RAB3IP: variants seen among roughly 807,000 people sequenced by gnomAD.
RAB3IP encodes rab-3A-interacting protein.
RAB3IP carries 36 observed loss-of-function variants against 59.1 expected under a neutral mutation model. The observed-to-expected ratio is 0.61, with a 90% CI of 0.47 to 0.80. The LOEUF is 0.80. Among genes scored for constraint, RAB3IP ranks in the 30% least tolerant of loss-of-function variants. The probability of loss-of-function intolerance (pLI) is 0.00; values close to 1 mark genes in which losing one functional copy is unlikely to be tolerated. For synonymous variants in RAB3IP, 207 were observed against 191.2 expected (o/e 1.08, Z -0.68); for missense variants, 511 against 536.0 (o/e 0.95, Z 0.46).
rs750792944 is a variant in RAB3IP at position 69,743,529 on chromosome 12, T to A, written c.-26+4498T>A. Among the ~76,000 whole-genome samples, 108 of 152,364 alleles carry A rather than the reference T, an allele frequency of 7.1e-4. No individual in the cohort carries two copies. The Middle Eastern group carries it at 0.014, about 19-fold the overall frequency. On this transcript the variant is annotated intron_variant, in intron 1 of 10. Coordinates refer to ENST00000247833, the MANE Select transcript of RAB3IP (RefSeq NM_022456.5). ...TACATTTATGTTGTGCTTTACAATG[T>A]ATACATTTTTACATTGATATGCCAT... is the stretch of plus-strand genomic sequence containing the variant.
intron 1 of RAB3IP, among the ~76,000 whole-genome samples, chr12:69,750,494 C>G (rs942438100): frequency 1.3e-5 from 2 of 150,192 alleles, no homozygotes; most frequent in Non-Finnish European, 3.0e-5. Flanking sequence ...ACAAGGCCCA[C>G]AGATTGTGTT....
chr12:69,783,190 C>G (rs955258286), intron 3 of RAB3IP, among the ~76,000 whole-genome samples: 1 of 152,160 alleles, frequency 6.6e-6, no homozygotes, highest in Admixed American at 6.5e-5. Flanking sequence ...ATCAGGATAG[C>G]TTTATCAGTT....
Position 69,756,475 on chromosome 12 carries a change from A to G in RAB3IP, c.322A>G (p.Arg108Gly). 2 of 1,614,130 alleles carry G rather than the reference A, an allele frequency of 1.2e-6. No individual in the cohort carries two copies. Among genetic ancestry groups the G allele is most frequent in the Non-Finnish European group, 1.7e-6 (2 of 1,179,994 alleles). Residue 108 changes from arginine (R) to glycine (G), a missense_variant, in exon 3 of 11, where the codon AGA becomes GGA. Transcript: ENST00000247833. ...AGCTGGATTAACTAAATTAACTACA[A>G]GAAAGGACAACTATAATGCAGAGAG... ...VTAGLTKLTTRKDNYNAEREF... is the reference protein window; with the variant it reads ...VTAGLTKLTTGKDNYNAEREF...
chr12:69,794,645 T>A, intron 5 of RAB3IP, 131 bp downstream of exon 5: 1 of 631,038 alleles, frequency 1.6e-6, no homozygotes, highest in Non-Finnish European at 2.7e-6. Flanking sequence ...TACAGAAAAA[T>A]AGAAGAAAAT....
chr12:69,802,216 TGACC>T (rs1878501199), intron 8 of RAB3IP, among the ~76,000 whole-genome samples: 1 of 151,960 alleles, frequency 6.6e-6, no homozygotes, highest in Admixed American at 6.6e-5. Context: ...TCTCTGAGGG[TGACC>T]ATCAAAAATA....
intron 8 of RAB3IP, among the ~76,000 whole-genome samples, chr12:69,802,506 G>A (rs960927983): frequency 2.0e-5 from 3 of 152,150 alleles, no homozygotes; most frequent in African/African-American, 7.2e-5. Context: ...TAGCAAAGAC[G>A]AAAGGTTTTG....
intron 3 of RAB3IP, among the ~76,000 whole-genome samples, chr12:69,770,773 A>G (rs1872976946): frequency 6.6e-6 from 1 of 152,156 alleles, no homozygotes; most frequent in Admixed American, 6.5e-5. Context: ...ATTTACACAT[A>G]CACATATACA....
Position 69,739,026 on chromosome 12 carries a change from CT to C in RAB3IP, c.-29del, listed in dbSNP as rs1173002062. ...GCGCCGGCAGCGGCCGCGGTGGGTT[CT>C]TCAGGTGAGTGCGGCCGCGGGAGGG... On this transcript the variant is annotated 5_prime_UTR_variant, in exon 1 of 11. Coordinates refer to ENST00000247833, the MANE Select transcript of RAB3IP (RefSeq NM_022456.5). 6.6e-6 allele frequency: 1 copy of C among 152,100 alleles called. No individual in the cohort carries two copies. The highest frequency in any genetic ancestry group is 1.9e-4 in the East Asian group (1 of 5,188). The allele number at this position is 152,100 out of a possible 1,614,324, so 9.4% of individuals were successfully genotyped here.
intron 4 of RAB3IP, among the ~76,000 whole-genome samples, chr12:69,792,067 A>G (rs1048863743): frequency 9.2e-5 from 14 of 152,232 alleles, no homozygotes; most frequent in Admixed American, 3.3e-4. Context: ...AGAAAGACAA[A>G]TGCTACATTA....
In RAB3IP at chr12:69,786,174, T is replaced by C. The variant is rs1017798288; in HGVS notation, c.606+1359T>C. Among the ~76,000 whole-genome samples, 30 of 152,314 alleles carry C rather than the reference T, an allele frequency of 2.0e-4. 1 individual carries two copies. Among genetic ancestry groups the C allele is most frequent in the African/African-American group, 6.7e-4 (28 of 41,562 alleles). On this transcript the variant is annotated intron_variant, in intron 4 of 10. Coordinates refer to ENST00000247833, the MANE Select transcript of RAB3IP (RefSeq NM_022456.5). ...TTCTTACTTAGTTGTAATTTAATAT[T>C]TTGTGTTTTTCTAAATAACATTTTT... is the stretch of plus-strand genomic sequence containing the variant.
chr12:69,756,523 A>C lies in RAB3IP; in HGVS notation c.370A>C (p.Ile124Leu). 1 of 1,614,186 alleles carries C rather than the reference A, an allele frequency of 6.2e-7. No individual in the cohort carries two copies. Among genetic ancestry groups the C allele is most frequent in the East Asian group, 2.2e-5 (1 of 44,884 alleles). The change falls in exon 3 of 11, where the codon ATA becomes CTA. Residue 124 changes from isoleucine (I) to leucine (L), a missense_variant. Coordinates refer to ENST00000247833, the MANE Select transcript of RAB3IP (RefSeq NM_022456.5). The stretch of plus-strand genomic sequence containing the variant: ...GAGAGAGTTTTTACAGGGTGCTACT[A>C]TAACAGAGGCTTGCGATGGCAGTGA... ...AEREFLQGAT[I>L]TEACDGSDDI...
At position 69,738,927 on chromosome 12, in the gene RAB3IP, G is replaced by C. The variant is rs1183325491; in HGVS notation, c.-130G>C. ...GAGCCCGCCGCCGTGGAGTGTAGCG[G>C]AAAGGGCTCGCCGTCCTCCTCCGTT... On this transcript the variant is annotated 5_prime_UTR_variant, in exon 1 of 11. Coordinates refer to ENST00000247833, the MANE Select transcript of RAB3IP (RefSeq NM_022456.5). 1 of 152,040 alleles carries C rather than the reference G, an allele frequency of 6.6e-6. No homozygotes were observed. Among genetic ancestry groups the C allele is most frequent in the Admixed American group, 6.6e-5 (1 of 15,264 alleles). The allele number at this position is 152,040 out of a possible 1,614,324, so 9.4% of individuals were successfully genotyped here.
intron 3 of RAB3IP, among the ~76,000 whole-genome samples, chr12:69,781,911 A>G (rs1351484141): frequency 1.3e-4 from 20 of 152,242 alleles, no homozygotes; most frequent in Non-Finnish European, 1.5e-5. Flanking sequence ...GCTGGATCCC[A>G]TGATAAGAGT....
At chr12:69,782,916 G>T (rs1329181756) in intron 3 of RAB3IP, among the ~76,000 whole-genome samples, 6 of 151,858 alleles carry the variant, frequency 4.0e-5, no homozygotes, top group Non-Finnish European at 8.8e-5. Flanking sequence ...CTTTGTGGTC[G>T]TACACTTGAA....
intron 8 of RAB3IP, among the ~76,000 whole-genome samples, chr12:69,805,758 G>A (rs539551543): frequency 1.3e-5 from 2 of 152,104 alleles, no homozygotes; most frequent in Non-Finnish European, 2.9e-5. Flanking sequence ...AGATAATCAT[G>A]TGGTTTTTGT....
intron 1 of RAB3IP, among the ~76,000 whole-genome samples, chr12:69,743,571 T>C (rs1887551387): frequency 6.6e-6 from 1 of 152,220 alleles, no homozygotes; most frequent in South Asian, 2.1e-4. Flanking sequence ...TTCTCAAATG[T>C]AGGCAGGGGA....
Position 69,802,417 on chromosome 12 carries a change from C to T in RAB3IP, c.1130+696C>T, listed in dbSNP as rs906834587. Among the ~76,000 whole-genome samples the T allele has an allele frequency of 6.6e-5, 10 of 152,330 alleles. No individual in the cohort carries two copies. In the East Asian group the frequency reaches 1.7e-3, roughly 26 times the overall value. ...CAAATCTTCAGAGATAAGACTCCCA[C>T]ATTTCATAGCAGGGCAGACTTGTTT... is the stretch of plus-strand genomic sequence containing the variant. On this transcript the variant is annotated intron_variant, in intron 8 of 10. Coordinates refer to ENST00000247833, the MANE Select transcript of RAB3IP (RefSeq NM_022456.5).
chr12:69,788,077 A>C (rs753502437), intron 4 of RAB3IP, among the ~76,000 whole-genome samples: 11 of 152,130 alleles, frequency 7.2e-5, no homozygotes, highest in Non-Finnish European at 1.6e-4. Flanking sequence ...TTATTTTAGA[A>C]GATCTTGTTT....
rs976750137 is a variant in RAB3IP at position 69,819,241 on chromosome 12, C to G, written c.*3795C>G. 6.6e-6 allele frequency: 1 copy of G among 152,016 alleles called. No individual in the cohort carries two copies. The highest frequency in any genetic ancestry group is 1.5e-5 in the Non-Finnish European group (1 of 68,018). 9.4% of individuals were successfully genotyped at this position (152,016 alleles called of 1,614,324 possible). A position where few individuals can be genotyped will look rare whatever the true frequency, so the allele number is the denominator to read the frequency against. ...AAAAGGTAAGAAAATTGTTGAATTG[C>G]ATTTGAGAGAGAGGAAAGGAAAGAA... On this transcript the variant is annotated 3_prime_UTR_variant, in exon 11 of 11. Transcript: ENST00000247833.
Sources: gnomAD v4.1 joint callset for allele counts (sites outside exome capture counted in the v4.1 genomes callset) on GRCh38, gnomAD v4.1.1 for gene constraint, MANE v1.5 for transcripts, NCBI Gene and HGNC (gene_info 2026-07-23, HGNC 2026-07-21) for gene names.